The following NALF1 variants were observed in gnomAD, a reference collection of about 807,000 sequenced individuals.
NALF1 encodes NALCN channel auxiliary factor 1, also known as family with sequence similarity 155 member A.
A neutral mutation model predicts 48.4 loss-of-function variants in NALF1; 3 were observed. The ratio of observed to expected loss-of-function variants is 0.06; its 90% CI spans 0.03 to 0.16. NALF1 has a LOEUF of 0.16. Among genes scored for constraint, NALF1 ranks in the 10% least tolerant of loss-of-function variants. NALF1 has a pLI of 1.00. For missense variants in NALF1, 526 were observed against 571.5 expected (o/e 0.92, Z 0.81); for synonymous variants, 262 against 245.7 (o/e 1.07, Z -0.62).
At chr13:107,865,560 C>G (rs1253631155) in intron 1 of NALF1, 122 bp downstream of exon 1, 3 of 1,332,754 alleles carry the variant, frequency 2.3e-6, no homozygotes, top group African/African-American at 3.0e-5. Context: ...TCTTAATAAC[C>G]GCAGAAAACA....
intron 1 of NALF1, among the ~76,000 whole-genome samples, chr13:107,649,587 T>C (rs1236456924): frequency 6.6e-6 from 1 of 152,194 alleles, no homozygotes; most frequent in East Asian, 1.9e-4. Context: ...GAATGCTACA[T>C]ATACTTACCT....
intron 1 of NALF1, among the ~76,000 whole-genome samples, chr13:107,627,043 T>G (rs889600794): frequency 2.0e-5 from 3 of 152,114 alleles, no homozygotes; most frequent in Non-Finnish European, 4.4e-5. Flanking sequence ...ATTCTCCAAG[T>G]TGAGTCAATT....
At chr13:107,653,376 A>G (rs1211609247) in intron 1 of NALF1, among the ~76,000 whole-genome samples, 1 of 152,064 alleles carries the variant, frequency 6.6e-6, no homozygotes, top group Non-Finnish European at 1.5e-5. Context: ...AAAATTAGGT[A>G]ATAGAATTAT....
intron 1 of NALF1, among the ~76,000 whole-genome samples, chr13:107,381,406 C>T (rs978969249): frequency 8.6e-5 from 13 of 151,978 alleles, no homozygotes; most frequent in Non-Finnish European, 1.5e-5. Context: ...CTGTGTTGCC[C>T]AGGCTGGTCT....
chr13:107,455,209 C>T (rs185218736), intron 1 of NALF1, among the ~76,000 whole-genome samples: 4 of 152,280 alleles, frequency 2.6e-5, no homozygotes, highest in Admixed American at 2.6e-4. Flanking sequence ...CCTCCCCAGC[C>T]ATGCAGAACT....
At position 107,485,792 on chromosome 13, in the gene NALF1, T is replaced by G. The variant is rs150295700; in HGVS notation, c.916-275037A>C. Among the ~76,000 whole-genome samples, 956 of 152,296 alleles carry G rather than the reference T, an allele frequency of 6.3e-3. 9 individuals carry two copies. The highest frequency in any genetic ancestry group is 0.021 in the African/African-American group (886 of 41,578). On this transcript the variant is annotated intron_variant, in intron 1 of 2. Transcript: ENST00000375915. The stretch of plus-strand genomic sequence containing the variant: ...AAATTTAACCAAAATCAAAAATCTT[T>G]TATGTACACTCAGGGTCTTTGTTTA...
chr13:107,562,652 C>A (rs1375697652), intron 1 of NALF1, among the ~76,000 whole-genome samples: 2 of 152,206 alleles, frequency 1.3e-5, no homozygotes, highest in Non-Finnish European at 2.9e-5. Flanking sequence ...CAAATGTGAA[C>A]TTCAAAATAA....
At chr13:107,619,297 A>T (rs529214570) in intron 1 of NALF1, among the ~76,000 whole-genome samples, 3 of 152,170 alleles carry the variant, frequency 2.0e-5, no homozygotes, top group African/African-American at 7.2e-5. Context: ...GAGTGAAAGC[A>T]CTCAGGCAGT....
intron 1 of NALF1, among the ~76,000 whole-genome samples, chr13:107,741,270 T>A (rs1397229703): frequency 6.6e-6 from 1 of 152,196 alleles, no homozygotes; most frequent in African/African-American, 2.4e-5. Context: ...TTTCCCCAAA[T>A]AGCAATGTAG....
At chr13:107,700,933 A>G (rs1322207755) in intron 1 of NALF1, among the ~76,000 whole-genome samples, 1 of 152,164 alleles carries the variant, frequency 6.6e-6, no homozygotes, top group African/African-American at 2.4e-5. Context: ...TAAAACTTCT[A>G]TATCACCTTA....
At chr13:107,339,653 C>A (rs898630305) in intron 1 of NALF1, among the ~76,000 whole-genome samples, 1 of 152,140 alleles carries the variant, frequency 6.6e-6, no homozygotes, top group Admixed American at 6.5e-5. Flanking sequence ...TTTTGGAGAA[C>A]TGAAGGGTTA....
At chr13:107,460,599 CT>C (rs1051507946) in intron 1 of NALF1, among the ~76,000 whole-genome samples, 1 of 152,130 alleles carries the variant, frequency 6.6e-6, no homozygotes, top group Non-Finnish European at 1.5e-5. Flanking sequence ...CCTAGCAAAT[CT>C]CAACACAGAT....
At chr13:107,249,661 A>G (rs1039039080) in intron 1 of NALF1, among the ~76,000 whole-genome samples, 6 of 152,152 alleles carry the variant, frequency 3.9e-5, no homozygotes, top group Non-Finnish European at 8.8e-5. Flanking sequence ...ACTATGACAT[A>G]GATAATTGAA....
chr13:107,175,684 T>C (rs112784774), intron 2 of NALF1, among the ~76,000 whole-genome samples: 2,694 of 152,300 alleles, frequency 0.018, 44 homozygotes, highest in Non-Finnish European at 0.027. Context: ...AGGCCATTAT[T>C]TCTTTGCCTT....
intron 1 of NALF1, among the ~76,000 whole-genome samples, chr13:107,434,357 A>C (rs1450087039): frequency 1.3e-5 from 2 of 152,066 alleles, no homozygotes; most frequent in Non-Finnish European, 2.9e-5. Flanking sequence ...TCAGTAAGTG[A>C]AGTGGGATCT....
At chr13:107,216,755 A>C (rs544642455) in intron 1 of NALF1, among the ~76,000 whole-genome samples, 8 of 152,166 alleles carry the variant, frequency 5.3e-5, no homozygotes, top group Admixed American at 5.2e-4. Flanking sequence ...GTGCCCATCC[A>C]CGCCAGCATC....
At chr13:107,833,810 T>A (rs1429227437) in intron 1 of NALF1, among the ~76,000 whole-genome samples, 1 of 152,190 alleles carries the variant, frequency 6.6e-6, no homozygotes, top group Non-Finnish European at 1.5e-5. Context: ...ACTTTTTTTC[T>A]AATAATAGTA....
At chr13:107,560,574 G>A (rs1445705099) in intron 1 of NALF1, among the ~76,000 whole-genome samples, 1 of 151,944 alleles carries the variant, frequency 6.6e-6, no homozygotes, top group Non-Finnish European at 1.5e-5. Flanking sequence ...GTACTACATT[G>A]TCATTTTAAA....
At position 107,565,095 on chromosome 13, in the gene NALF1, G is replaced by A. The variant is rs1260997577; in HGVS notation, c.915+300587C>T. 3.0e-4 allele frequency among the ~76,000 whole-genome samples: 29 copies of A among 96,480 alleles called. No homozygotes were observed. In the South Asian group the frequency reaches 6.5e-3, roughly 22 times the overall value. The allele number at this position is 96,480 out of a possible 152,430, so 63.3% of individuals were successfully genotyped here. On this transcript the variant is annotated intron_variant, in intron 1 of 2. Coordinates refer to ENST00000375915, the MANE Select transcript of NALF1 (RefSeq NM_001080396.3). ...AAAAAAAAAAAAAAACCTAGCATAA[G>A]TAAAAGACAAAAAAAAAAAACAGAC...
Sources: allele counts gnomAD v4.1 joint callset (sites outside exome capture counted in the v4.1 genomes callset), GRCh38; gene constraint gnomAD v4.1.1; transcripts MANE v1.5; gene names NCBI Gene and HGNC (gene_info 2026-07-23, HGNC 2026-07-21).